STK3: variants seen among roughly 807,000 people sequenced by gnomAD.
The protein encoded by STK3 is serine/threonine kinase 3.
A neutral mutation model predicts 58.0 loss-of-function variants in STK3; 41 were observed. The observed-to-expected ratio is 0.71, with a 90% CI of 0.55 to 0.92. STK3 has a LOEUF of 0.92. Among genes scored for constraint, STK3 ranks in the 40% least tolerant of loss-of-function variants. The pLI is 0.00. For missense variants in STK3, 479 were observed against 602.7 expected, an observed-to-expected ratio of 0.79 and a Z score of 2.15; for synonymous variants, 170 against 191.0, an observed-to-expected ratio of 0.89 and a Z score of 0.91.
At chr8:98,509,149 C>T (rs796817239) in intron 10 of STK3, among the ~76,000 whole-genome samples, 41 of 151,906 alleles carry the variant, frequency 2.7e-4, no homozygotes, top group African/African-American at 8.2e-4. Flanking sequence ...AATAATTATA[C>T]GAACAAAATA....
At chr8:98,858,601 G>T (rs2131846427) in intron 3 of STK3, among the ~76,000 whole-genome samples, 1 of 151,064 alleles carries the variant, frequency 6.6e-6, no homozygotes, top group African/African-American at 2.4e-5. Flanking sequence ...CCTCTAAAAG[G>T]GAGATATCTG....
chr8:98,590,817 TA>T (rs1009397463), intron 7 of STK3, among the ~76,000 whole-genome samples: 10 of 152,156 alleles, frequency 6.6e-5, no homozygotes, highest in East Asian at 1.9e-4. Flanking sequence ...AAATATTATT[TA>T]AAAAAATTAA....
At chr8:98,506,705 T>C (rs1490414254) in intron 10 of STK3, among the ~76,000 whole-genome samples, 1 of 149,992 alleles carries the variant, frequency 6.7e-6, no homozygotes, top group African/African-American at 2.5e-5. Flanking sequence ...AGAGCAAGAC[T>C]CCATCAAAAG....
At chr8:98,754,065 C>T (rs1350380810) in intron 3 of STK3, among the ~76,000 whole-genome samples, 1 of 152,214 alleles carries the variant, frequency 6.6e-6, no homozygotes, top group Admixed American at 6.5e-5. Flanking sequence ...TCAGAGTCTA[C>T]CTTGTTACCC....
intron 6 of STK3, among the ~76,000 whole-genome samples, chr8:98,676,636 C>T (rs774164669): frequency 6.0e-5 from 9 of 150,146 alleles, no homozygotes; most frequent in African/African-American, 1.5e-4. Flanking sequence ...AAAAGTTAAA[C>T]GGTAAATTTT....
chr8:98,667,098 T>A (rs545196847), intron 6 of STK3, among the ~76,000 whole-genome samples: 2 of 152,250 alleles, frequency 1.3e-5, no homozygotes, highest in South Asian at 4.1e-4. Context: ...TAATTTCTAA[T>A]TATAATTCTA....
Position 98,852,060 on chromosome 8 carries a change from T to C in STK3, c.110+31587A>G, listed in dbSNP as rs957057956. 4.0e-5 allele frequency among the ~76,000 whole-genome samples: 6 copies of C among 151,114 alleles called. No individual in the cohort carries two copies. In the East Asian group the frequency reaches 5.8e-4, roughly 15 times the overall value. On this transcript the variant is annotated intron_variant, in intron 3 of 12. Coordinates refer to the STK3 transcript ENST00000523601. ...GCCAAGAGACAGAAAGACAAGAGAATGATGTATAGCATTCAGCTACATCTC... is the reference window on the plus strand; with the variant it reads ...GCCAAGAGACAGAAAGACAAGAGAACGATGTATAGCATTCAGCTACATCTC...
At chr8:98,642,877 A>G (rs1246486650) in intron 6 of STK3, among the ~76,000 whole-genome samples, 1 of 152,246 alleles carries the variant, frequency 6.6e-6, no homozygotes, top group African/African-American at 2.4e-5. Context: ...TCTACTGCAC[A>G]GTGTTCTTAT....
At chr8:98,828,456 A>AAAAAAAAAAAAAAAAAAC (rs1835403933), upstream of STK3, among the ~76,000 whole-genome samples, 1 of 150,506 alleles carries the variant, frequency 6.6e-6, no homozygotes, top group African/African-American at 2.4e-5. Flanking sequence ...AAAAAAAAAA[A>AAAAAAAAAAAAAAAAAAC]AAAAAAAAAC....
intron 1 of STK3, among the ~76,000 whole-genome samples, chr8:98,935,540 C>G (rs373346160): frequency 6.6e-6 from 1 of 152,226 alleles, no homozygotes; most frequent in East Asian, 1.9e-4. Flanking sequence ...TTAAAACAAC[C>G]TATTCATTAT....
chr8:98,654,490 T>C (rs1046227827), intron 6 of STK3, among the ~76,000 whole-genome samples: 20 of 151,992 alleles, frequency 1.3e-4, no homozygotes, highest in East Asian at 9.6e-4. Context: ...CCAGGGCAAT[T>C]AGGCAGGAGA....
intron 6 of STK3, chr8:98,606,370 C>T (rs1816777256): frequency 6.6e-6 from 1 of 152,206 alleles, no homozygotes; most frequent in Non-Finnish European, 1.5e-5. Flanking sequence ...TCCAACACAA[C>T]ATTTCTCTTT....
chr8:98,645,839 C>T (rs1820358569), intron 6 of STK3, among the ~76,000 whole-genome samples: 1 of 151,840 alleles, frequency 6.6e-6, no homozygotes, highest in African/African-American at 2.4e-5. Context: ...GATATAGATA[C>T]AGATATAGAT....
chr8:98,646,930 A>G (rs1347468070), intron 6 of STK3, among the ~76,000 whole-genome samples: 1 of 151,776 alleles, frequency 6.6e-6, no homozygotes, highest in Non-Finnish European at 1.5e-5. Flanking sequence ...CCCCGCCCCC[A>G]CAATCTGTTC....
At chr8:98,390,576 T>A (rs1297662459), upstream of STK3, among the ~76,000 whole-genome samples, 1 of 152,194 alleles carries the variant, frequency 6.6e-6, no homozygotes, top group African/African-American at 2.4e-5. Flanking sequence ...TTCACCAAAT[T>A]TGATAATTTT....
downstream of STK3, among the ~76,000 whole-genome samples, chr8:98,449,842 G>T (rs1271679745): frequency 6.6e-6 from 1 of 152,078 alleles, no homozygotes; most frequent in Non-Finnish European, 1.5e-5. Flanking sequence ...GAGTGAATGG[G>T]CTATTCTAAA....
intron 4 of STK3, among the ~76,000 whole-genome samples, chr8:98,712,344 G>C (rs1406323586): frequency 6.6e-6 from 1 of 152,150 alleles, no homozygotes; most frequent in Non-Finnish European, 1.5e-5. Context: ...TGGCAAAATT[G>C]GATACAGAGT....
At chr8:98,357,717 C>T in the STK3 span, among the ~76,000 whole-genome samples, 1 of 152,222 alleles carries the variant, frequency 6.6e-6, no homozygotes, top group Non-Finnish European at 1.5e-5. Flanking sequence ...TCTGCTTCCT[C>T]CTGATAATTT....
rs560270198 is a variant in STK3, at chr8:98,694,316, G to A, written c.684+12151C>T. Among the ~76,000 whole-genome samples, 7 of 152,144 alleles carry A rather than the reference G, an allele frequency of 4.6e-5. No individual in the cohort carries two copies. In the South Asian group the frequency reaches 6.2e-4, roughly 14 times the overall value. On this transcript the variant is annotated intron_variant, in intron 6 of 10. Transcript: ENST00000419617. ...TTTATTTGTAAGTAGGTAGTGTAAG[G>A]ACACAGAGATAGAGACCTTTTTTTA... is the stretch of plus-strand genomic sequence containing the variant.
Sources: allele counts gnomAD v4.1 joint callset (sites outside exome capture counted in the v4.1 genomes callset), GRCh38; gene constraint gnomAD v4.1.1; transcripts MANE v1.5; gene names NCBI Gene and HGNC (gene_info 2026-07-23, HGNC 2026-07-21).